ADGRL3: variants seen among roughly 807,000 people sequenced by gnomAD.
The protein encoded by ADGRL3 is adhesion G protein-coupled receptor L3.
Under a neutral mutation model 153.5 loss-of-function variants are expected in ADGRL3, and 62 were observed. The ratio of observed to expected loss-of-function variants is 0.40; its 90% CI spans 0.33 to 0.50. The LOEUF (loss-of-function observed/expected upper bound fraction) is 0.50. Ranked by LOEUF, ADGRL3 falls within the 20% of genes least tolerant of loss-of-function variation. ADGRL3 has a pLI of 0.47. For missense variants in ADGRL3, 1,641 were observed against 1,859.4 expected (o/e 0.88, Z 2.16); for synonymous variants, 710 against 672.5 (o/e 1.06, Z -0.86).
intron 9 of ADGRL3, among the ~76,000 whole-genome samples, chr4:61,862,402 C>T (rs141388538): frequency 1.4e-4 from 22 of 152,332 alleles, no homozygotes; most frequent in African/African-American, 4.8e-4. Flanking sequence ...AACGATGTTT[C>T]AGCCGGCATG....
intron 3 of ADGRL3, among the ~76,000 whole-genome samples, chr4:61,515,923 T>C (rs1000527924): frequency 6.6e-6 from 1 of 152,144 alleles, no homozygotes; most frequent in Admixed American, 6.5e-5. Context: ...TTTTCGCAGC[T>C]TTTTGGTCTT....
chr4:61,415,229 C>G (rs1339676624), intron 2 of ADGRL3, among the ~76,000 whole-genome samples: 2 of 151,952 alleles, frequency 1.3e-5, no homozygotes, highest in Admixed American at 6.6e-5. Context: ...TTTTAAAACA[C>G]TAGATTTATT....
chr4:61,821,289 A>G (rs1307952659), intron 9 of ADGRL3, among the ~76,000 whole-genome samples: 1 of 151,758 alleles, frequency 6.6e-6, no homozygotes, highest in African/African-American at 2.4e-5. Flanking sequence ...AAAATTGACA[A>G]TTATTGAATA....
intron 3 of ADGRL3, among the ~76,000 whole-genome samples, chr4:61,498,896 AT>A (rs559159195): frequency 6.6e-6 from 1 of 152,146 alleles, no homozygotes; most frequent in South Asian, 2.1e-4. Context: ...ATTATCATTG[AT>A]TTTTTTCACT....
chr4:61,397,598 C>T (rs2096883101), intron 2 of ADGRL3, among the ~76,000 whole-genome samples: 1 of 151,700 alleles, frequency 6.6e-6, no homozygotes. Flanking sequence ...ACCACATAGC[C>T]AGAATACCAG....
At chr4:61,252,697 T>C (rs2091567169) in intron 1 of ADGRL3, among the ~76,000 whole-genome samples, 1 of 151,978 alleles carries the variant, frequency 6.6e-6, no homozygotes, top group Non-Finnish European at 1.5e-5. Context: ...GAACTTTTTT[T>C]TTTTTTTAAG....
intron 9 of ADGRL3, among the ~76,000 whole-genome samples, chr4:61,891,005 G>A (rs1031268169): frequency 3.9e-5 from 6 of 151,960 alleles, no homozygotes; most frequent in African/African-American, 7.3e-5. Flanking sequence ...GCTTTCAATT[G>A]CACTTAATAT....
At chr4:61,511,997 G>A (rs2098466015) in intron 3 of ADGRL3, among the ~76,000 whole-genome samples, 1 of 152,060 alleles carries the variant, frequency 6.6e-6, no homozygotes, top group Admixed American at 6.6e-5. Flanking sequence ...CTAAAATGAA[G>A]GTGCTGTGGG....
At chr4:61,771,146 G>A (rs1186349373) in intron 8 of ADGRL3, among the ~76,000 whole-genome samples, 1 of 152,182 alleles carries the variant, frequency 6.6e-6, no homozygotes, top group African/African-American at 2.4e-5. Flanking sequence ...TCCTTAGACT[G>A]AGTCCCTCCA....
At chr4:61,676,571 A>T (rs560039381) in intron 5 of ADGRL3, among the ~76,000 whole-genome samples, 3 of 152,050 alleles carry the variant, frequency 2.0e-5, no homozygotes, top group Admixed American at 6.6e-5. Flanking sequence ...GCAATATTTA[A>T]CTTCTAACTA....
At chr4:61,390,362 T>C (rs1254764620) in intron 2 of ADGRL3, among the ~76,000 whole-genome samples, 1 of 152,156 alleles carries the variant, frequency 6.6e-6, no homozygotes, top group African/African-American at 2.4e-5. Flanking sequence ...TGAAAAAATA[T>C]TATGATGGTC....
chr4:61,349,247 T>G (rs567791962), intron 1 of ADGRL3, among the ~76,000 whole-genome samples: 1 of 152,210 alleles, frequency 6.6e-6, no homozygotes, highest in East Asian at 1.9e-4. Context: ...ATATTGGTGT[T>G]CAGAAATGTG....
At chr4:61,415,872 T>G (rs560283127) in intron 2 of ADGRL3, among the ~76,000 whole-genome samples, 68 of 152,220 alleles carry the variant, frequency 4.5e-4, no homozygotes, top group African/African-American at 1.5e-3. Context: ...GTAGGGAGCC[T>G]AGATGATGGC....
At chr4:61,246,582 T>A (rs566271242) in intron 1 of ADGRL3, among the ~76,000 whole-genome samples, 1 of 152,130 alleles carries the variant, frequency 6.6e-6, no homozygotes, top group Non-Finnish European at 1.5e-5. Flanking sequence ...CACCCAAGTC[T>A]AATGTAAATT....
chr4:61,879,507 A>T (rs1239889963), intron 9 of ADGRL3, among the ~76,000 whole-genome samples: 2 of 152,140 alleles, frequency 1.3e-5, no homozygotes, highest in Non-Finnish European at 2.9e-5. Flanking sequence ...AATTTTGTGG[A>T]CACATCACAT....
chr4:61,837,302 T>C (rs1190714317), intron 9 of ADGRL3, among the ~76,000 whole-genome samples: 1 of 152,156 alleles, frequency 6.6e-6, no homozygotes, highest in Non-Finnish European at 1.5e-5. Context: ...GAGAAAAAGC[T>C]TATTTAAAAG....
At chr4:61,478,133 C>T (rs971416590) in intron 2 of ADGRL3, among the ~76,000 whole-genome samples, 1 of 151,972 alleles carries the variant, frequency 6.6e-6, no homozygotes, top group African/African-American at 2.4e-5. Flanking sequence ...CAGAATCTTC[C>T]ATAGCCAATA....
At chr4:61,383,342 G>A (rs1355432675) in intron 2 of ADGRL3, among the ~76,000 whole-genome samples, 153 bp downstream of exon 2, 1 of 151,314 alleles carries the variant, frequency 6.6e-6, no homozygotes, top group African/African-American at 2.4e-5. Flanking sequence ...CATATTTTTG[G>A]AAAATAAATT....
At chr4:61,756,631 C>T (rs1036370896) in intron 8 of ADGRL3, among the ~76,000 whole-genome samples, 5 of 152,146 alleles carry the variant, frequency 3.3e-5, no homozygotes, top group Non-Finnish European at 5.9e-5. Context: ...TGCCTGATTG[C>T]CCTGGCCAGA....
Sources: gnomAD v4.1 joint callset for allele counts (sites outside exome capture counted in the v4.1 genomes callset) on GRCh38, gnomAD v4.1.1 for gene constraint, MANE v1.5 for transcripts, NCBI Gene and HGNC (gene_info 2026-07-23, HGNC 2026-07-21) for gene names.